Variants in MYO19 observed in about 807,000 individuals in gnomAD.
MYO19 encodes the protein myosin XIX.
In MYO19, 132 loss-of-function variants were observed where a neutral mutation model predicts 129.2. The ratio of observed to expected loss-of-function variants is 1.02; its 90% CI spans 0.89 to 1.18. The LOEUF (loss-of-function observed/expected upper bound fraction) is 1.18, where lower values mean the gene tolerates loss of function less well. Among genes scored for constraint, MYO19 ranks in the 50% most tolerant of loss-of-function variants. The pLI is 0.00. For missense variants in MYO19, 1,210 were observed against 1,216.7 expected, an observed-to-expected ratio of 0.99 and a Z score of 0.08; for synonymous variants, 531 against 477.2, an observed-to-expected ratio of 1.11 and a Z score of -1.47.
chr17:36,507,302 G>A (rs1369224079), intron 16 of MYO19, 97 bp downstream of exon 16: 3 of 1,426,436 alleles, frequency 2.1e-6, no homozygotes, highest in Non-Finnish European at 2.9e-6. Flanking sequence ...GGCAGACTGG[G>A]AGGAGAGAGG....
intron 25 of MYO19, chr17:36,497,589 C>CTTTTTT: frequency 1.2e-6 from 1 of 818,466 alleles, no homozygotes. Flanking sequence ...CTAAACCAAA[C>CTTTTTT]TTTTTTTTTT....
intron 6 of MYO19, among the ~76,000 whole-genome samples, chr17:36,522,968 T>C (rs1366346112): frequency 1.3e-5 from 2 of 148,452 alleles, no homozygotes; most frequent in Non-Finnish European, 3.0e-5. Context: ...ATTGTGCCAC[T>C]GCACTCCAGC....
At chr17:36,504,451 GTCTTT>G (rs959377488) in intron 19 of MYO19, 1 of 162,984 alleles carries the variant, frequency 6.1e-6, no homozygotes, top group Admixed American at 6.1e-5. Context: ...CTGAACCCAG[GTCTTT>G]ACCACAGAGC....
Position 36,504,030 on chromosome 17 carries a change from T to A in MYO19, c.1906-10A>T, listed in dbSNP as rs1028446842. 3 of 1,557,978 alleles carry A rather than the reference T, an allele frequency of 1.9e-6. No individual in the cohort carries two copies. The African/African-American group carries it at 4.1e-5, about 21-fold the overall frequency. Reference sequence around the variant, plus strand: ...CCAGCTGGCTCAGGACCTGCAAGGGTGGGGAGACAGGGCAGGCACCTGCAG... The same window carrying A: ...CCAGCTGGCTCAGGACCTGCAAGGGAGGGGAGACAGGGCAGGCACCTGCAG... On this transcript the variant is annotated splice_polypyrimidine_tract_variant and intron_variant, in intron 19 of 25. Coordinates refer to ENST00000614623, the MANE Select transcript of MYO19 (RefSeq NM_001163735.2).
intron 6 of MYO19, among the ~76,000 whole-genome samples, chr17:36,519,196 T>C (rs1160423652): frequency 2.6e-5 from 4 of 152,184 alleles, no homozygotes; most frequent in East Asian, 1.9e-4. Flanking sequence ...CCTCAAAATG[T>C]AGTTTTGATT....
rs745348591 is a variant in MYO19 at position 36,496,335 on chromosome 17, G to T, written c.2829C>A (p.Tyr943Ter). 6.2e-7 allele frequency: 1 copy of T among 1,614,032 alleles called. No homozygotes were observed. The highest frequency in any genetic ancestry group is 1.6e-4 in the Middle Eastern group (1 of 6,062). Residue 943 changes from tyrosine (Y) to a stop codon, truncating the protein, a stop_gained, in exon 26 of 26, where the codon TAC (tyrosine) becomes TAA (stop). Transcript: ENST00000614623. LOFTEE classifies it high-confidence loss of function. ...YADICPEPSP[Y>*]SITGFNQILL... is the part of the protein sequence containing the mutation. Reference sequence around the variant, plus strand: ...GAATCTGATTAAAGCCTGTAATGCTGTAGGGTGAAGGTTCAGGGCAGATGT... The same window carrying T: ...GAATCTGATTAAAGCCTGTAATGCTTTAGGGTGAAGGTTCAGGGCAGATGT...
At position 36,501,049 on chromosome 17, in the gene MYO19, T is replaced by C; in HGVS notation, c.2247+20A>G. On this transcript the variant is annotated intron_variant, in intron 22 of 25. Coordinates refer to ENST00000614623, the MANE Select transcript of MYO19 (RefSeq NM_001163735.2). ...CACACAGCTTGCCTCTGTAACCTCC[T>C]CATCCCCAAACCAGCTCACCATAGA... 1 of 1,604,606 alleles carries C rather than the reference T, an allele frequency of 6.2e-7. No individual in the cohort carries two copies. The highest frequency in any genetic ancestry group is 8.5e-7 in the Non-Finnish European group (1 of 1,172,342).
intron 6 of MYO19, among the ~76,000 whole-genome samples, chr17:36,521,511 T>C (rs1367804821): frequency 6.6e-6 from 1 of 152,110 alleles, no homozygotes; most frequent in African/African-American, 2.4e-5. Flanking sequence ...CTCACAGAAG[T>C]TCCAGAAGGA....
chr17:36,535,804 G>A (rs2142590742), upstream of MYO19, among the ~76,000 whole-genome samples: 1 of 151,796 alleles, frequency 6.6e-6, no homozygotes, highest in South Asian at 2.1e-4. Flanking sequence ...GCACCACCAC[G>A]CTCAGCTAAT....
Position 36,503,171 on chromosome 17 carries a change from T to G in MYO19, c.2006A>C (p.Tyr669Ser), listed in dbSNP as rs1309531478. 1.9e-6 allele frequency: 3 copies of G among 1,613,906 alleles called. No homozygotes were observed. The Admixed American group carries it at 5.0e-5, about 27-fold the overall frequency. The change falls in exon 21 of 26, where the codon TAC becomes TCC. Residue 669 changes from tyrosine (Y) to serine (S), a missense_variant. Coordinates refer to ENST00000614623, the MANE Select transcript of MYO19 (RefSeq NM_001163735.2). The part of the protein sequence containing the change: ...RVSHRNFVER[Y>S]KLLRRLHPCT... ...AGGATGAAGCCTTCTTAGTAACTTGTATCGTTCTACAAAGTTTCGGTGAGA... is the reference window on the plus strand; with the variant it reads ...AGGATGAAGCCTTCTTAGTAACTTGGATCGTTCTACAAAGTTTCGGTGAGA...
intron 6 of MYO19, among the ~76,000 whole-genome samples, chr17:36,520,947 T>C (rs2073095093): frequency 1.3e-5 from 2 of 152,236 alleles, no homozygotes; most frequent in African/African-American, 4.8e-5. Flanking sequence ...TTGGATGCAA[T>C]TTTCTTTGTT....
At chr17:36,507,705 A>G in intron 15 of MYO19, 98 bp downstream of exon 15, 1 of 1,405,780 alleles carries the variant, frequency 7.1e-7, no homozygotes, top group Non-Finnish European at 9.5e-7. Flanking sequence ...AAGAAGGAAC[A>G]AAAGGCTTCT....
chr17:36,521,748 C>A (rs2073140558), intron 6 of MYO19, among the ~76,000 whole-genome samples: 1 of 151,962 alleles, frequency 6.6e-6, no homozygotes, highest in South Asian at 2.1e-4. Context: ...AAAATAAAAC[C>A]TCGGCCAGGC....
At chr17:36,519,904 C>G (rs1333761076) in intron 6 of MYO19, among the ~76,000 whole-genome samples, 1 of 152,136 alleles carries the variant, frequency 6.6e-6, no homozygotes, top group Non-Finnish European at 1.5e-5. Context: ...TCACTTTTAT[C>G]TGTGGGCTTA....
chr17:36,515,980 G>C lies in MYO19; in HGVS notation c.425C>G (p.Ser142Cys), dbSNP rs375068557. Residue 142 changes from serine to cysteine, a missense_variant, in exon 7 of 26, where the codon TCT (serine) becomes TGT (cysteine). Ser to Cys is a moderately radical substitution (Grantham distance 112). Coordinates refer to ENST00000614623, the MANE Select transcript of MYO19 (RefSeq NM_001163735.2). The part of the protein sequence containing the change: ...GESGAGKTWT[S>C]RCLMKFYAVV... Reference sequence around the variant, plus strand: ...AGCATAGAACTTCATTAGGCAGCGAGACGTCCATGTCTGTGGCAGAAACAG... The same window carrying C: ...AGCATAGAACTTCATTAGGCAGCGACACGTCCATGTCTGTGGCAGAAACAG... 2 of 1,611,918 alleles carry C rather than the reference G, an allele frequency of 1.2e-6. No homozygotes were observed. The highest frequency in any genetic ancestry group is 1.7e-6 in the Non-Finnish European group (2 of 1,179,240).
Position 36,507,034 on chromosome 17 carries a change from G to A in MYO19, c.1573C>T (p.Pro525Ser), listed in dbSNP as rs2071952443. The A allele has an allele frequency of 6.2e-7, 1 of 1,613,598 alleles. No homozygotes were observed. Among genetic ancestry groups the A allele is most frequent in the African/African-American group, 1.3e-5 (1 of 74,932 alleles). Residue 525 changes from proline (P) to serine (S), a missense_variant, in exon 17 of 26, where the codon CCC becomes TCC. Physicochemically the swap from Pro to Ser is moderately conservative, Grantham distance 74. Coordinates refer to ENST00000614623, the MANE Select transcript of MYO19 (RefSeq NM_001163735.2). ...GCATAATGCACCACAATGAAGCTGG[G>A]CTCCCGGCTGAGCTTATTGTGGCCC... ...CLGHNKLSREPSFIVVHYAGP... is the reference protein window; with the variant it reads ...CLGHNKLSRESSFIVVHYAGP...
upstream of MYO19, chr17:36,537,714 T>G (rs139783834): frequency 2.5e-6 from 4 of 1,614,096 alleles, no homozygotes; most frequent in African/African-American, 5.3e-5. Context: ...CTCATTGTAC[T>G]CTGTTTGGCC....
intron 21 of MYO19, among the ~76,000 whole-genome samples, chr17:36,502,345 C>T (rs2071592187): frequency 6.6e-6 from 1 of 152,188 alleles, no homozygotes; most frequent in African/African-American, 2.4e-5. Flanking sequence ...GTCACCCATG[C>T]CCGGGCTCTT....
At chr17:36,498,852 T>G in intron 24 of MYO19, 2 of 592,296 alleles carry the variant, frequency 3.4e-6, no homozygotes, top group South Asian at 4.1e-5. Context: ...CAGAGTTTGG[T>G]ATATTCCCAG....
Sources: gnomAD v4.1 joint callset for allele counts (sites outside exome capture counted in the v4.1 genomes callset) on GRCh38, gnomAD v4.1.1 for gene constraint, MANE v1.5 for transcripts, NCBI Gene and HGNC (gene_info 2026-07-23, HGNC 2026-07-21) for gene names.